Variants in CACNA1E observed in about 807,000 individuals in gnomAD.
CACNA1E encodes voltage-dependent R-type calcium channel subunit alpha-1E.
Under a neutral mutation model 259.2 loss-of-function variants are expected in CACNA1E, and 40 were observed. That is an observed-to-expected ratio of 0.15 (90% CI 0.12 to 0.20). The LOEUF is 0.20. CACNA1E is among the 10% of genes least tolerant of loss of function. The pLI is 1.00. For missense variants in CACNA1E, 1,874 were observed against 3,040.1 expected (o/e 0.62, Z 9.02); for synonymous variants, 1,104 against 1,138.5 (o/e 0.97, Z 0.61).
intron 5 of CACNA1E, 127 bp downstream of exon 5, chr1:181,579,351 C>T (rs1651290677): frequency 1.3e-6 from 1 of 761,118 alleles, no homozygotes; most frequent in South Asian, 2.1e-5. Context: ...GAATCAGAAG[C>T]TTCTAGTCAG....
intron 16 of CACNA1E, among the ~76,000 whole-genome samples, chr1:181,723,570 C>T (rs571914055): frequency 5.8e-4 from 88 of 152,284 alleles, no homozygotes; most frequent in African/African-American, 2.1e-3. Flanking sequence ...CTGGAGATAG[C>T]ATCAGATCCC....
At chr1:181,588,940 C>T (rs543330732) in intron 6 of CACNA1E, among the ~76,000 whole-genome samples, 1 of 152,198 alleles carries the variant, frequency 6.6e-6, no homozygotes, top group Non-Finnish European at 1.5e-5. Flanking sequence ...GTGGGGATGG[C>T]ACAGTGCCAG....
intron 3 of CACNA1E, among the ~76,000 whole-genome samples, chr1:181,558,430 G>A (rs1321572526): frequency 6.6e-6 from 1 of 152,202 alleles, no homozygotes; most frequent in Non-Finnish European, 1.5e-5. Flanking sequence ...CAGTCTAGTA[G>A]GGAAAAACAG....
chr1:181,739,097 T>G (rs1376873757), intron 24 of CACNA1E, 50 bp from the exon 25 acceptor site: 1 of 1,077,590 alleles, frequency 9.3e-7, no homozygotes, highest in East Asian at 2.4e-5. Flanking sequence ...TCAGGTCAAG[T>G]GTTGCCCACA....
intron 43 of CACNA1E, among the ~76,000 whole-genome samples, chr1:181,788,794 T>G (rs1252143099): frequency 6.6e-6 from 1 of 152,222 alleles, no homozygotes; most frequent in Non-Finnish European, 1.5e-5. Context: ...TGTGAGATTA[T>G]TAAGTGATTC....
chr1:181,549,648 A>T (rs571426437), intron 3 of CACNA1E, among the ~76,000 whole-genome samples: 2 of 152,188 alleles, frequency 1.3e-5, no homozygotes, highest in East Asian at 3.9e-4. Flanking sequence ...GGAGTTGCCC[A>T]TGGGTTCCCA....
chr1:181,504,349 A>C (rs1454051873), intron 1 of CACNA1E, among the ~76,000 whole-genome samples: 1 of 152,176 alleles, frequency 6.6e-6, no homozygotes, highest in Non-Finnish European at 1.5e-5. Context: ...ATTCTGCATT[A>C]GGCTGAAGTT....
At chr1:181,572,615 C>A (rs1650528246) in intron 3 of CACNA1E, among the ~76,000 whole-genome samples, 1 of 152,162 alleles carries the variant, frequency 6.6e-6, no homozygotes, top group Non-Finnish European at 1.5e-5. Flanking sequence ...AGTGACAAAA[C>A]AAATGGAAAA....
intron 8 of CACNA1E, among the ~76,000 whole-genome samples, chr1:181,711,913 A>T (rs1407359789): frequency 6.6e-6 from 1 of 152,138 alleles, no homozygotes. Flanking sequence ...GAACCATGGG[A>T]GGGTTTTGAG....
At chr1:181,517,444 G>T (rs1666674147) in intron 3 of CACNA1E, among the ~76,000 whole-genome samples, 1 of 152,076 alleles carries the variant, frequency 6.6e-6, no homozygotes. Context: ...TGAGCAGGGG[G>T]TTCACTATTT....
intron 7 of CACNA1E, among the ~76,000 whole-genome samples, chr1:181,690,383 A>G (rs536087413): frequency 4.6e-5 from 7 of 152,080 alleles, no homozygotes; most frequent in Admixed American, 2.0e-4. Flanking sequence ...CTGTAGCCTT[A>G]TAGTATAGTT....
Position 181,483,883 on chromosome 1 carries a change from G to A in CACNA1E, c.139G>A (p.Ala47Thr), listed in dbSNP as rs1161110769. The change falls in exon 1 of 48, where the codon GCG becomes ACG. Residue 47 changes from alanine (A) to threonine (T), a missense_variant. By Grantham distance (58) the Ala-to-Thr change is moderately conservative. Around this residue, in one of 14 missense-constraint regions of CACNA1E, gnomAD observed 110 missense variants for 122.8 expected, o/e 0.90. Transcript: ENST00000367573. ...AAYKQTKAQR[A>T]RTMALYNPIP... ...CTACAAGCAGACGAAAGCACAGAGG[G>A]CGCGGACTATGGCTTTGTACAACCC... 1 of 1,613,762 alleles carries A rather than the reference G, an allele frequency of 6.2e-7. No individual in the cohort carries two copies.
At chr1:181,478,850 C>T (rs1201543342), upstream of CACNA1E, among the ~76,000 whole-genome samples, 2 of 152,252 alleles carry the variant, frequency 1.3e-5, no homozygotes, top group Non-Finnish European at 2.9e-5. Context: ...TTAGTACAAA[C>T]TCCCACAGGC....
At chr1:181,539,058 T>C (rs2102771169) in intron 3 of CACNA1E, among the ~76,000 whole-genome samples, 1 of 152,334 alleles carries the variant, frequency 6.6e-6, no homozygotes. Flanking sequence ...TGTGTGCTAT[T>C]TCATGCCTCC....
intron 1 of CACNA1E, among the ~76,000 whole-genome samples, chr1:181,353,230 C>T (rs978989607): frequency 9.2e-5 from 14 of 152,136 alleles, no homozygotes; most frequent in African/African-American, 3.4e-4. Flanking sequence ...TTATATATCC[C>T]ACAGCATTTA....
intron 3 of CACNA1E, among the ~76,000 whole-genome samples, chr1:181,548,389 G>C (rs1195199548): frequency 6.6e-6 from 1 of 152,108 alleles, no homozygotes; most frequent in Non-Finnish European, 1.5e-5. Flanking sequence ...GCCTCCCAAA[G>C]TGCTGGGATT....
At chr1:181,686,717 C>T (rs1265015766) in intron 7 of CACNA1E, among the ~76,000 whole-genome samples, 1 of 152,144 alleles carries the variant, frequency 6.6e-6, no homozygotes, top group Non-Finnish European at 1.5e-5. Flanking sequence ...GCTTGGATCA[C>T]TGATAGTAGG....
intron 6 of CACNA1E, among the ~76,000 whole-genome samples, chr1:181,622,614 G>A (rs1655827664): frequency 6.6e-6 from 1 of 151,984 alleles, no homozygotes; most frequent in African/African-American, 2.4e-5. Flanking sequence ...GTTGGATTAG[G>A]GCCCACCCTA....
At position 181,596,940 on chromosome 1, in the gene CACNA1E, A is replaced by G. The variant is rs563319882; in HGVS notation, c.951+16164A>G. 5.0e-4 allele frequency among the ~76,000 whole-genome samples: 76 copies of G among 152,184 alleles called. 1 individual carries two copies. The highest frequency in any genetic ancestry group is 1.8e-3 in the African/African-American group (75 of 41,522). On this transcript the variant is annotated intron_variant, in intron 6 of 47. Coordinates refer to ENST00000367573, the MANE Select transcript of CACNA1E (RefSeq NM_001205293.3). Reference sequence around the variant, plus strand: ...CCAAAAAAGGAGGAAGGAGATGCTCAGGAGGAGCAGAAATAGGGATGTGGA... The same window carrying G: ...CCAAAAAAGGAGGAAGGAGATGCTCGGGAGGAGCAGAAATAGGGATGTGGA...
Sources: allele counts gnomAD v4.1 joint callset (sites outside exome capture counted in the v4.1 genomes callset), GRCh38; gene constraint gnomAD v4.1.1; regional missense constraint gnomAD v4.1.1; transcripts MANE v1.5; gene names NCBI Gene and HGNC (gene_info 2026-07-23, HGNC 2026-07-21).